The following KANSL3 variants were observed in gnomAD, a reference collection of about 807,000 sequenced individuals.
KANSL3 encodes NSL complex protein NSL3.
Under a neutral mutation model 89.2 loss-of-function variants are expected in KANSL3, and 16 were observed. That is an observed-to-expected ratio of 0.18 (90% CI 0.12 to 0.27). The LOEUF (loss-of-function observed/expected upper bound fraction) is 0.27. KANSL3 is among the 10% of genes least tolerant of loss of function. The pLI is 1.00. For synonymous variants in KANSL3, 385 were observed against 419.7 expected (o/e 0.92, Z 1.01); for missense variants, 879 against 1,110.6 (o/e 0.79, Z 2.96).
chr2:96,612,970 T>A (rs752949298), intron 6 of KANSL3, 36 bp from the exon 7 acceptor site: 10 of 1,371,534 alleles, frequency 7.3e-6, no homozygotes, highest in Non-Finnish European at 1.0e-5. Flanking sequence ...AACCAGTGAG[T>A]GAGAAGTGTC....
In KANSL3 at chr2:96,593,535, C is replaced by G. The variant is rs1553401910; in HGVS notation, c.*2076G>C. The G allele has an allele frequency of 1.1e-5, 4 of 350,192 alleles. No individual in the cohort carries two copies. Among genetic ancestry groups the G allele is most frequent in the South Asian group, 8.8e-5 (4 of 45,552 alleles). The allele number at this position is 350,192 out of a possible 1,614,324, so 21.7% of individuals were successfully genotyped here. A position where few individuals can be genotyped will look rare whatever the true frequency, so the allele number is the denominator to read the frequency against. On this transcript the variant is annotated 3_prime_UTR_variant, in exon 21 of 21. Transcript: ENST00000431828. ...AGGCCTCAGCCACTTCCTCTGTTACCCTGTGCAAGTTGTAGAACAATCCAC... is the reference window on the plus strand; with the variant it reads ...AGGCCTCAGCCACTTCCTCTGTTACGCTGTGCAAGTTGTAGAACAATCCAC...
chr2:96,631,320 A>G lies in KANSL3; in HGVS notation c.378T>C (p.His126=). The change falls in exon 3 of 21, where the codon CAT becomes CAC. Residue 126 remains histidine, a synonymous_variant. Transcript: ENST00000431828. ...APPPPEDWEE[H]VNRTGWTMAQ... is the part of the protein sequence containing the mutation. ...CCTGATGAGCAGCCTACCTGTTGAC[A>G]TGCTCCTCCCAGTCCTCTGGTGGAG... 1 of 1,612,330 alleles carries G rather than the reference A, an allele frequency of 6.2e-7. No individual in the cohort carries two copies. Among genetic ancestry groups the G allele is most frequent in the Non-Finnish European group, 8.5e-7 (1 of 1,178,618 alleles).
At chr2:96,613,135 T>G (rs1045748575) in intron 6 of KANSL3, among the ~76,000 whole-genome samples, 8 of 152,192 alleles carry the variant, frequency 5.3e-5, no homozygotes, top group African/African-American at 1.7e-4. Flanking sequence ...TCCCAGCACT[T>G]TGGGAGGCCA....
chr2:96,611,172 A>T (rs774670952), intron 9 of KANSL3, 34 bp from the exon 10 acceptor site: 1 of 1,592,010 alleles, frequency 6.3e-7, no homozygotes, highest in Non-Finnish European at 8.6e-7. Flanking sequence ...CTAAACGTCA[A>T]CTGAGTTCAT....
chr2:96,601,483 G>A lies in KANSL3; in HGVS notation c.2616+160C>T, dbSNP rs967467655. On this transcript the variant is annotated intron_variant, in intron 20 of 20. Coordinates refer to ENST00000431828, the MANE Select transcript of KANSL3 (RefSeq NM_001115016.3). ...GGAAGCTCAAAGATGTCCATGATTC[G>A]CTCAATATTATAAAGCCACAAACTC... The A allele has an allele frequency of 7.9e-6, 11 of 1,384,578 alleles. 1 individual carries two copies. The highest frequency in any genetic ancestry group is 3.4e-5 in the South Asian group (2 of 58,104). The allele number at this position is 1,384,578 out of a possible 1,614,324, so 85.8% of individuals were successfully genotyped here.
intron 11 of KANSL3, among the ~76,000 whole-genome samples, chr2:96,610,145 T>C (rs2068663305): frequency 6.6e-6 from 1 of 151,910 alleles, no homozygotes; most frequent in Admixed American, 6.6e-5. Context: ...TACAGTATCA[T>C]GTAGATGTTA....
intron 6 of KANSL3, 37 bp from the exon 7 acceptor site, chr2:96,612,971 G>A (rs2069285493): frequency 1.5e-6 from 2 of 1,362,678 alleles, no homozygotes; most frequent in Non-Finnish European, 1.0e-6. Flanking sequence ...ACCAGTGAGT[G>A]AGAAGTGTCC....
At chr2:96,587,841 G>C in the KANSL3 span, among the ~76,000 whole-genome samples, 1 of 152,082 alleles carries the variant, frequency 6.6e-6, no homozygotes, top group Admixed American at 6.6e-5. Flanking sequence ...AAACAAATTT[G>C]AGAAATGAAA....
At chr2:96,606,931 A>G (rs956034808) in intron 14 of KANSL3, 3 of 1,132,346 alleles carry the variant, frequency 2.6e-6, no homozygotes, top group Admixed American at 2.3e-5. Context: ...TGAGGAGCAG[A>G]ATGTAGTGGA....
chr2:96,618,000 A>AAAAAC (rs2070513625), intron 5 of KANSL3, among the ~76,000 whole-genome samples: 1 of 150,936 alleles, frequency 6.6e-6, no homozygotes, highest in Non-Finnish European at 1.5e-5. Context: ...AAAAAAAAAA[A>AAAAAC]AATTTCTTTG....
downstream of KANSL3, among the ~76,000 whole-genome samples, chr2:96,591,536 C>T (rs948098356): frequency 6.6e-6 from 1 of 152,186 alleles, no homozygotes; most frequent in Non-Finnish European, 1.5e-5. Flanking sequence ...GGGTGTTATA[C>T]TATACTACAA....
chr2:96,598,151 C>T (rs183486445), intron 20 of KANSL3: 190 of 985,322 alleles, frequency 1.9e-4, no homozygotes, highest in Non-Finnish European at 2.2e-4. Context: ...CATCAGCAAA[C>T]GAAGACACCC....
intron 20 of KANSL3, among the ~76,000 whole-genome samples, chr2:96,599,422 TTA>T (rs991949997): frequency 2.0e-5 from 3 of 152,238 alleles, no homozygotes; most frequent in African/African-American, 7.2e-5. Context: ...ACATTGTATG[TTA>T]TATATGTTTT....
At chr2:96,581,191 C>T in the KANSL3 span, among the ~76,000 whole-genome samples, 7 of 152,166 alleles carry the variant, frequency 4.6e-5, no homozygotes, top group Non-Finnish European at 8.8e-5. Flanking sequence ...TCCGGGAGGC[C>T]GAAGCAGGCA....
At chr2:96,604,666 A>G in intron 16 of KANSL3, 113 bp downstream of exon 16, 1 of 1,024,232 alleles carries the variant, frequency 9.8e-7, no homozygotes, top group East Asian at 2.6e-5. Flanking sequence ...AGTAAGTCAC[A>G]TTTCCAAAAC....
At chr2:96,586,179 C>T in the KANSL3 span, among the ~76,000 whole-genome samples, 73 of 149,866 alleles carry the variant, frequency 4.9e-4, no homozygotes, top group East Asian at 7.9e-3. Context: ...AAGCCAAAAT[C>T]GTGCCACTGC....
At chr2:96,581,422 T>G in the KANSL3 span, among the ~76,000 whole-genome samples, 1 of 144,446 alleles carries the variant, frequency 6.9e-6, no homozygotes, top group East Asian at 2.0e-4. Flanking sequence ...AGACTCCATC[T>G]CAAAAAAAAA....
At chr2:96,582,425 C>T in the KANSL3 span, among the ~76,000 whole-genome samples, 1 of 151,876 alleles carries the variant, frequency 6.6e-6, no homozygotes, top group Non-Finnish European at 1.5e-5. Context: ...AAATCAATAA[C>T]TCTTTTGTAA....
the KANSL3 span, among the ~76,000 whole-genome samples, chr2:96,585,128 A>C: frequency 6.6e-6 from 1 of 152,238 alleles, no homozygotes; most frequent in African/African-American, 2.4e-5. Flanking sequence ...AAGAACAAAA[A>C]TAAATAGATG....
Sources: gnomAD v4.1 joint callset for allele counts (sites outside exome capture counted in the v4.1 genomes callset) on GRCh38, gnomAD v4.1.1 for gene constraint, MANE v1.5 for transcripts, NCBI Gene and HGNC (gene_info 2026-07-23, HGNC 2026-07-21) for gene names.